Variants in MED1 observed in about 807,000 individuals in gnomAD.
MED1 encodes the protein mediator complex subunit 1.
Under a neutral mutation model 121.3 loss-of-function variants are expected in MED1, and 17 were observed. The ratio of observed to expected loss-of-function variants is 0.14; its 90% CI spans 0.10 to 0.21. The LOEUF (loss-of-function observed/expected upper bound fraction) is 0.21, where lower values mean the gene tolerates loss of function less well. Ranked by LOEUF, MED1 falls within the 10% of genes least tolerant of loss-of-function variation. MED1 has a pLI of 1.00. For synonymous variants in MED1, 661 were observed against 694.4 expected (o/e 0.95, Z 0.76); for missense variants, 1,558 against 1,919.4 (o/e 0.81, Z 3.52).
intron 1 of MED1, among the ~76,000 whole-genome samples, chr17:39,449,408 T>C (rs1259321195): frequency 6.6e-6 from 1 of 152,182 alleles, no homozygotes; most frequent in Non-Finnish European, 1.5e-5. Context: ...CTCCAACTTG[T>C]GGGCTCAAGT....
chr17:39,414,634 C>CTTTTTTT (rs55829399), intron 16 of MED1, among the ~76,000 whole-genome samples: 3 of 61,556 alleles, frequency 4.9e-5, no homozygotes, highest in Non-Finnish European at 9.3e-5. Flanking sequence ...CAGGCCCGGC[C>CTTTTTTT]TTTTTTTTTT....
At chr17:39,433,410 C>A (rs1431435530) in intron 7 of MED1, among the ~76,000 whole-genome samples, 1 of 150,994 alleles carries the variant, frequency 6.6e-6, no homozygotes, top group Non-Finnish European at 1.5e-5. Context: ...AACATTAATT[C>A]TTGACTGGAC....
chr17:39,418,537 A>C (rs1355558105), intron 14 of MED1, among the ~76,000 whole-genome samples: 1 of 152,102 alleles, frequency 6.6e-6, no homozygotes, highest in Admixed American at 6.6e-5. Context: ...TGTCTCAAAA[A>C]AAAAAAAGCC....
At chr17:39,426,137 C>T (rs2048513365) in intron 10 of MED1, among the ~76,000 whole-genome samples, 1 of 151,874 alleles carries the variant, frequency 6.6e-6, no homozygotes, top group African/African-American at 2.4e-5. Context: ...ACCCCGTCCC[C>T]CATGCCAAAT....
Position 39,409,672 on chromosome 17 carries a change from C to T in MED1, c.2549G>A (p.Ser850Asn), listed in dbSNP as rs762775591. Residue 850 changes from serine (S) to asparagine (N), a missense_variant, in exon 17 of 17, where the codon AGT (serine) becomes AAT (asparagine). Ser to Asn is a conservative substitution (Grantham distance 46). This residue lies in a region of MED1 where 793 missense variants were observed against 898.2 expected (regional missense o/e 0.88). Transcript: ENST00000300651. Reference sequence around the variant, plus strand: ...AAAATGATTGGTAGGAGAGTCACTACTGGGGCTTCCAGCAGCATCTGCAAT... The same window carrying T: ...AAAATGATTGGTAGGAGAGTCACTATTGGGGCTTCCAGCAGCATCTGCAAT... The part of the protein sequence containing the change: ...DLIADAAGSP[S>N]SDSPTNHFFH... 2 of 1,614,126 alleles carry T rather than the reference C, an allele frequency of 1.2e-6. No homozygotes were observed. Among genetic ancestry groups the T allele is most frequent in the South Asian group, 1.1e-5 (1 of 91,084 alleles).
chr17:39,424,659 T>G lies in MED1; in HGVS notation c.819A>C (p.Leu273Phe), dbSNP rs764057244. 47 of 1,605,100 alleles carry G rather than the reference T, an allele frequency of 2.9e-5. No homozygotes were observed. In the South Asian group the frequency reaches 5.2e-4, roughly 18 times the overall value. Reference sequence around the variant, plus strand: ...TGTCAACTGGATGTGACCCCATAATTAATGGTGCAATTGGGAGTTTGTACA... The same window carrying G: ...TGTCAACTGGATGTGACCCCATAATGAATGGTGCAATTGGGAGTTTGTACA... ...SAVYKLPIAP[L>F]IMGSHPVDNK... Residue 273 changes from leucine (L) to phenylalanine (F), a missense_variant, in exon 11 of 17, where the codon TTA (leucine) becomes TTC (phenylalanine). Physicochemically the swap from Leu to Phe is conservative, Grantham distance 22. Around this residue, in one of 5 missense-constraint regions of MED1, gnomAD observed 443 missense variants for 532.4 expected, o/e 0.83. Coordinates refer to ENST00000300651, the MANE Select transcript of MED1 (RefSeq NM_004774.4).
chr17:39,410,470 T>G lies in MED1; in HGVS notation c.1751A>C (p.Asp584Ala), dbSNP rs2048346315. 6.2e-7 allele frequency: 1 copy of G among 1,614,080 alleles called. No homozygotes were observed. The highest frequency in any genetic ancestry group is 1.3e-5 in the African/African-American group (1 of 74,996). ...TLFNMSMSIK[D>A]RHESVGHGED... ...CCCATGGCCCACCGACTCATGCCGATCTTTGATGCTCATGCTCATATTAAA... is the reference window on the plus strand; with the variant it reads ...CCCATGGCCCACCGACTCATGCCGAGCTTTGATGCTCATGCTCATATTAAA... Residue 584 changes from aspartate (D) to alanine (A), a missense_variant, in exon 17 of 17, where the codon GAT becomes GCT. By Grantham distance (126) the Asp-to-Ala change is moderately radical (BLOSUM62 -2). This residue lies in a region of MED1 where 793 missense variants were observed against 898.2 expected (regional missense o/e 0.88). Coordinates refer to ENST00000300651, the MANE Select transcript of MED1 (RefSeq NM_004774.4).
At chr17:39,447,939 G>A in intron 1 of MED1, 35 bp from the exon 2 acceptor site, 6 of 1,367,278 alleles carry the variant, frequency 4.4e-6, no homozygotes, top group South Asian at 2.4e-5. Context: ...ATCAGTAACT[G>A]TTCTATCAAG....
rs1321665137 is a variant in MED1 at position 39,447,793 on chromosome 17, C to G, written c.132+5G>C. ...ACACTTTACCCACTTCACCACAATC[C>G]TTACCATGACTTGACGCACAAGCTT... On this transcript the variant is annotated splice_donor_5th_base_variant and intron_variant, in intron 2 of 16. Transcript: ENST00000300651. The G allele has an allele frequency of 1.9e-6, 3 of 1,604,034 alleles. No homozygotes were observed. In the African/African-American group the frequency reaches 4.0e-5, roughly 21 times the overall value.
rs576096158 is a variant in MED1, at chr17:39,434,044, C to T, written c.500+205G>A. Among the ~76,000 whole-genome samples, 11 of 152,216 alleles carry T rather than the reference C, an allele frequency of 7.2e-5. No homozygotes were observed. In the South Asian group the frequency reaches 2.3e-3, roughly 32 times the overall value. On this transcript the variant is annotated intron_variant, in intron 7 of 16. Coordinates refer to ENST00000300651, the MANE Select transcript of MED1 (RefSeq NM_004774.4). ...ATCTCAAAGATTATATTCTGTCTTC[C>T]AGCATTATGATCGATTAATGCAGGT...
intron 16 of MED1, among the ~76,000 whole-genome samples, chr17:39,410,938 A>G (rs1056340263): frequency 1.3e-5 from 2 of 152,204 alleles, no homozygotes; most frequent in African/African-American, 4.8e-5. Context: ...GAATCACACA[A>G]CAAAAGCAAA....
chr17:39,443,674 A>G, intron 2 of MED1, 46 bp from the exon 3 acceptor site: 2 of 1,484,660 alleles, frequency 1.3e-6, no homozygotes, highest in Non-Finnish European at 1.9e-6. Flanking sequence ...AACCAGGCCA[A>G]CAGTGTTTTA....
chr17:39,439,137 T>C, intron 6 of MED1, 28 bp downstream of exon 6: 1 of 1,587,146 alleles, frequency 6.3e-7, no homozygotes, highest in Non-Finnish European at 8.5e-7. Flanking sequence ...TCTGTCAATA[T>C]CAAGGAATAT....
At position 39,440,109 on chromosome 17, in the gene MED1, A is replaced by C. The variant is rs1046281447; in HGVS notation, c.399+277T>G. Among the ~76,000 whole-genome samples, 1 of 151,404 alleles carries C rather than the reference A, an allele frequency of 6.6e-6. No homozygotes were observed. The highest frequency in any genetic ancestry group is 2.4e-5 in the African/African-American group (1 of 41,174). On this transcript the variant is annotated intron_variant, in intron 5 of 16. Coordinates refer to ENST00000300651, the MANE Select transcript of MED1 (RefSeq NM_004774.4). This position sits in a 1 kb window ranked among gnomAD's most constrained non-coding sequence, Gnocchi z 4.1. ...GCAAGCAAGAAAGAAAGAAAGAAAA[A>C]AGAAAGAAAAGAAAGAAAGGAAGGA...
intron 3 of MED1, among the ~76,000 whole-genome samples, chr17:39,442,687 A>G (rs529953136): frequency 1.1e-3 from 163 of 150,406 alleles, no homozygotes; most frequent in African/African-American, 3.9e-3. Flanking sequence ...TGGGCAGATC[A>G]CCTGAGGTCA....
rs753022225 is a variant in MED1, at chr17:39,423,375, T to C, written c.1047A>G (p.Ser349=). 4 of 1,614,004 alleles carry C rather than the reference T, an allele frequency of 2.5e-6. No homozygotes were observed. Among genetic ancestry groups the C allele is most frequent in the Non-Finnish European group, 3.4e-6 (4 of 1,179,904 alleles). The stretch of plus-strand genomic sequence containing the variant: ...TCAAAGGTATGGGGTCAGGGTCCTT[T>C]GATAGCTCAAACTGAGTGATCAGTT... The part of the protein sequence containing the change: ...LYELITQFEL[S]KDPDPIPLNH... The change falls in exon 13 of 17, where the codon TCA becomes TCG. Residue 349 remains serine, a synonymous_variant. Transcript: ENST00000300651.
Position 39,406,558 on chromosome 17 carries a change from G to C in MED1, c.*917C>G. 2 of 978,286 alleles carry C rather than the reference G, an allele frequency of 2.0e-6. No individual in the cohort carries two copies. Among genetic ancestry groups the C allele is most frequent in the South Asian group, 4.7e-5 (1 of 21,098 alleles). 60.6% of individuals were successfully genotyped at this position (978,286 alleles called of 1,614,324 possible). ...GTTTACATCCCAACAAGCCACCTTA[G>C]CTTTTTTTTTTTTTTTTGAAAGGAA... On this transcript the variant is annotated 3_prime_UTR_variant, in exon 17 of 17. Transcript: ENST00000300651.
Position 39,405,067 on chromosome 17 carries a change from C to A in MED1, c.*2408G>T. 3.6e-6 allele frequency: 3 copies of A among 837,712 alleles called. No homozygotes were observed. The highest frequency in any genetic ancestry group is 5.2e-6 in the Non-Finnish European group (3 of 578,696). 51.9% of individuals were successfully genotyped at this position (837,712 alleles called of 1,614,324 possible). A position where few individuals can be genotyped will look rare whatever the true frequency, so the allele number is the denominator to read the frequency against. Reference sequence around the variant, plus strand: ...GAAGTTGACTTCATGTCCTTGCCTTCTTTTGAAACAGAAGAATGAGTACAC... The same window carrying A: ...GAAGTTGACTTCATGTCCTTGCCTTATTTTGAAACAGAAGAATGAGTACAC... On this transcript the variant is annotated 3_prime_UTR_variant, in exon 17 of 17. Coordinates refer to ENST00000300651, the MANE Select transcript of MED1 (RefSeq NM_004774.4).
Position 39,415,013 on chromosome 17 carries a change from G to A in MED1, c.1499+13C>T. 1 of 1,609,546 alleles carries A rather than the reference G, an allele frequency of 6.2e-7. No individual in the cohort carries two copies. Among genetic ancestry groups the A allele is most frequent in the Non-Finnish European group, 8.5e-7 (1 of 1,176,178 alleles). ...CTCTAAATGGGACTCAGATGAAAAA[G>A]GGCCAAGGCTACCTTTGAACAACTT... On this transcript the variant is annotated intron_variant, in intron 16 of 16. Coordinates refer to ENST00000300651, the MANE Select transcript of MED1 (RefSeq NM_004774.4).
Sources: gnomAD v4.1 joint callset for allele counts (sites outside exome capture counted in the v4.1 genomes callset) on GRCh38, gnomAD v4.1.1 for gene constraint, gnomAD v4.1.1 regional missense constraint, Gnocchi (gnomAD v3.1) non-coding constraint, MANE v1.5 for transcripts, NCBI Gene and HGNC (gene_info 2026-07-23, HGNC 2026-07-21) for gene names.